The following TMEM108 variants were observed in gnomAD, a reference collection of about 807,000 sequenced individuals.
TMEM108 encodes transmembrane protein 108.
TMEM108 carries 12 observed loss-of-function variants against 35.1 expected under a neutral mutation model. The ratio of observed to expected loss-of-function variants is 0.34; its 90% CI spans 0.22 to 0.55. TMEM108 has a LOEUF of 0.55. Ranked by LOEUF, TMEM108 falls within the 20% of genes least tolerant of loss-of-function variation. The pLI is 0.89. For synonymous variants in TMEM108, 287 were observed against 308.6 expected, an observed-to-expected ratio of 0.93 and a Z score of 0.73; for missense variants, 680 against 753.3, an observed-to-expected ratio of 0.90 and a Z score of 1.14.
intron 2 of TMEM108, among the ~76,000 whole-genome samples, chr3:133,079,539 A>T (rs900757028): frequency 6.6e-6 from 1 of 152,188 alleles, no homozygotes; most frequent in African/African-American, 2.4e-5. Context: ...CTCACGTGGC[A>T]GAAAGGAGCA....
At chr3:133,316,728 C>T (rs561873507) in intron 3 of TMEM108, among the ~76,000 whole-genome samples, 5 of 152,362 alleles carry the variant, frequency 3.3e-5, no homozygotes, top group African/African-American at 1.2e-4. Context: ...AACAGCCTAG[C>T]TGGCAAGGTC....
chr3:133,223,951 G>C (rs1241783631), intron 2 of TMEM108, among the ~76,000 whole-genome samples: 1 of 152,180 alleles, frequency 6.6e-6, no homozygotes, highest in East Asian at 1.9e-4. Context: ...TAACCCAGTT[G>C]ATCCCAAATC....
rs545099377 is a variant in TMEM108, at chr3:133,060,532, A to G, written c.-47+14512A>G. 1.8e-3 allele frequency among the ~76,000 whole-genome samples: 276 copies of G among 152,270 alleles called. 1 individual carries two copies. Among genetic ancestry groups the G allele is most frequent in the African/African-American group, 6.2e-3 (257 of 41,540 alleles). Reference sequence around the variant, plus strand: ...TTTGATAATTTTATGGACTGTTTGTATACCCCCCAAATTCATGTTTTAATC... The same window carrying G: ...TTTGATAATTTTATGGACTGTTTGTGTACCCCCCAAATTCATGTTTTAATC... On this transcript the variant is annotated intron_variant, in intron 2 of 5. Coordinates refer to ENST00000321871, the MANE Select transcript of TMEM108 (RefSeq NM_023943.4).
rs138434828 is a variant in TMEM108 at position 133,162,695 on chromosome 3, T to C, written c.-46-66571T>C. Among the ~76,000 whole-genome samples, 287 of 152,348 alleles carry C rather than the reference T, an allele frequency of 1.9e-3. 1 individual carries two copies. Among genetic ancestry groups the C allele is most frequent in the African/African-American group, 6.5e-3 (270 of 41,588 alleles). The stretch of plus-strand genomic sequence containing the variant: ...AAATATCCAGGTCTGCCAGAGCATC[T>C]TTTCTGAGCCCTTGGCTTCATTAAT... On this transcript the variant is annotated intron_variant, in intron 2 of 5. Transcript: ENST00000321871.
rs569907418 is a variant in TMEM108 at position 133,152,309 on chromosome 3, A to G, written c.-46-76957A>G. ...TGTTTCAACAGGCTCTCTTAGAAGG[A>G]GGCAATATCTGTTTCTTTGTTTGCT... is the stretch of plus-strand genomic sequence containing the variant. On this transcript the variant is annotated intron_variant, in intron 2 of 5. Transcript: ENST00000321871. Among the ~76,000 whole-genome samples, 3 of 152,280 alleles carry G rather than the reference A, an allele frequency of 2.0e-5. No homozygotes were observed. In the South Asian group the frequency reaches 6.2e-4, roughly 32 times the overall value.
intron 2 of TMEM108, among the ~76,000 whole-genome samples, chr3:133,170,978 A>T (rs1200066974): frequency 5.9e-5 from 9 of 152,168 alleles, no homozygotes; most frequent in Non-Finnish European, 2.9e-5. Flanking sequence ...CTAAAAACAG[A>T]TATTGTTAGC....
chr3:133,144,037 T>C (rs947725865), intron 2 of TMEM108, among the ~76,000 whole-genome samples: 8 of 151,908 alleles, frequency 5.3e-5, no homozygotes, highest in African/African-American at 2.4e-5. Context: ...CTTTGTTACA[T>C]AGGTATACAC....
rs1005754955 is a variant in TMEM108, at chr3:133,157,718, C to A, written c.-46-71548C>A. Among the ~76,000 whole-genome samples, 4 of 152,292 alleles carry A rather than the reference C, an allele frequency of 2.6e-5. No individual in the cohort carries two copies. The Middle Eastern group carries it at 0.014, about 518-fold the overall frequency. The stretch of plus-strand genomic sequence containing the variant: ...AAACAGAGCTACTTTATATTAAACT[C>A]TTATCTGCATTAAAGAATATAGTAA... On this transcript the variant is annotated intron_variant, in intron 2 of 5. Transcript: ENST00000321871.
intron 2 of TMEM108, among the ~76,000 whole-genome samples, chr3:133,154,417 T>C (rs545614459): frequency 1.1e-3 from 173 of 152,264 alleles, no homozygotes; most frequent in African/African-American, 4.1e-3. Flanking sequence ...GTTTTTATGG[T>C]TTTAGGTCTA....
rs758988084 is a variant in TMEM108, at chr3:133,380,216, C to T, written c.505C>T (p.Pro169Ser). 1.2e-6 allele frequency: 2 copies of T among 1,612,422 alleles called. No individual in the cohort carries two copies. The highest frequency in any genetic ancestry group is 1.7e-6 in the Non-Finnish European group (2 of 1,179,216). The change falls in exon 4 of 6, where the codon CCA becomes TCA. Residue 169 changes from proline to serine, a missense_variant. By Grantham distance (74) the Pro-to-Ser change is moderately conservative. This residue lies in a region of TMEM108 where 526 missense variants were observed against 532.1 expected (regional missense o/e 0.99). Coordinates refer to ENST00000321871, the MANE Select transcript of TMEM108 (RefSeq NM_023943.4). This position sits in a 1 kb window ranked among gnomAD's most constrained non-coding sequence, Gnocchi z 5.3. ...TACCACACGCAGGCCCCCCAGGCCC[C>T]CAGGCTCTTCCCGAAAAGGGGCTGG... ...RTTTRRPPRP[P>S]GSSRKGAGNS...
chr3:133,099,956 C>G (rs555673678), intron 2 of TMEM108, among the ~76,000 whole-genome samples: 2 of 152,156 alleles, frequency 1.3e-5, no homozygotes, highest in African/African-American at 2.4e-5. Context: ...TTTTGGGTAT[C>G]TTTTCAGCAA....
intron 3 of TMEM108, among the ~76,000 whole-genome samples, chr3:133,289,204 C>G (rs58668505): frequency 0.01 from 1,542 of 152,136 alleles, 23 homozygotes; most frequent in African/African-American, 0.034. Flanking sequence ...GGGGGTCCAT[C>G]ATTTTATCCT....
intron 2 of TMEM108, among the ~76,000 whole-genome samples, chr3:133,058,553 CG>C (rs1468414222): frequency 6.6e-6 from 1 of 152,184 alleles, no homozygotes; most frequent in African/African-American, 2.4e-5. Context: ...TGGCTACTCC[CG>C]TGCCTACAGG....
chr3:133,238,923 G>A (rs940981271), intron 3 of TMEM108, among the ~76,000 whole-genome samples: 1 of 152,070 alleles, frequency 6.6e-6, no homozygotes, highest in African/African-American at 2.4e-5. Context: ...GGAGATGAAC[G>A]GAACTTCACC....
intron 4 of TMEM108, among the ~76,000 whole-genome samples, chr3:133,385,833 C>T (rs1236117803): frequency 6.6e-6 from 1 of 152,180 alleles, no homozygotes; most frequent in African/African-American, 2.4e-5. Context: ...TGTCTGTCTG[C>T]AAAATGGGAC....
chr3:133,210,861 A>G (rs146063955), intron 2 of TMEM108, among the ~76,000 whole-genome samples: 46 of 152,282 alleles, frequency 3.0e-4, no homozygotes, highest in African/African-American at 1.1e-3. Context: ...TTCCAGCTGT[A>G]TATTCAACAG....
chr3:133,390,445 C>A, intron 5 of TMEM108, 111 bp downstream of exon 5: 2 of 1,209,772 alleles, frequency 1.7e-6, no homozygotes, highest in Admixed American at 2.0e-5. Flanking sequence ...GGCCCATGGA[C>A]CAGCAGTATC....
rs567725389 is a variant in TMEM108, at chr3:133,300,847, C to CA, written c.40+71497dup. On this transcript the variant is annotated intron_variant, in intron 3 of 5. Transcript: ENST00000321871. ...GATTTGCACATCAAAGGTGTGCTTG[C>CA]AGACAAGTTTACTATCTCTAGGAAT... Among the ~76,000 whole-genome samples the CA allele has an allele frequency of 2.6e-5, 4 of 152,032 alleles. No homozygotes were observed. In the South Asian group the frequency reaches 8.3e-4, roughly 32 times the overall value.
intron 3 of TMEM108, among the ~76,000 whole-genome samples, chr3:133,285,381 G>A (rs1946969525): frequency 6.6e-6 from 1 of 152,134 alleles, no homozygotes; most frequent in African/African-American, 2.4e-5. Context: ...CTGTGGCTGG[G>A]GGAAGCGGAG....
Sources: allele counts gnomAD v4.1 joint callset (sites outside exome capture counted in the v4.1 genomes callset), GRCh38; gene constraint gnomAD v4.1.1; regional missense constraint gnomAD v4.1.1; non-coding constraint Gnocchi (gnomAD v3.1); transcripts MANE v1.5; gene names NCBI Gene and HGNC (gene_info 2026-07-23, HGNC 2026-07-21).